CBLB: variants seen among roughly 807,000 people sequenced by gnomAD.
The protein encoded by CBLB is Cbl proto-oncogene B, also known as E3 ubiquitin-protein ligase CBL-B.
CBLB carries 31 observed loss-of-function variants against 104.9 expected under a neutral mutation model. The observed-to-expected ratio is 0.30, with a 90% CI of 0.22 to 0.40. The LOEUF is 0.40. CBLB is among the 10% of genes least tolerant of loss of function. The pLI is 1.00. For synonymous variants in CBLB, 440 were observed against 422.6 expected, an observed-to-expected ratio of 1.04 and a Z score of -0.51; for missense variants, 1,062 against 1,214.6, an observed-to-expected ratio of 0.87 and a Z score of 1.87.
chr3:105,865,229 A>G (rs898363927), intron 2 of CBLB, among the ~76,000 whole-genome samples: 1 of 152,174 alleles, frequency 6.6e-6, no homozygotes, highest in Non-Finnish European at 1.5e-5. Flanking sequence ...CTACACACTT[A>G]TATACTGCCA....
chr3:105,685,480 A>G lies in CBLB; in HGVS notation c.2055-14T>C, dbSNP rs2066895149. 1 of 1,610,042 alleles carries G rather than the reference A, an allele frequency of 6.2e-7. No individual in the cohort carries two copies. On this transcript the variant is annotated splice_polypyrimidine_tract_variant and intron_variant, in intron 13 of 18. Coordinates refer to ENST00000394030, the MANE Select transcript of CBLB (RefSeq NM_170662.5). ...GGACCAGTACACCTACCAGGGGAAAAAAAATCCAATCTAGTTTAAGCATAA... is the reference window on the plus strand; with the variant it reads ...GGACCAGTACACCTACCAGGGGAAAGAAAATCCAATCTAGTTTAAGCATAA...
At chr3:105,834,797 C>A (rs2088185469) in intron 3 of CBLB, among the ~76,000 whole-genome samples, 2 of 152,248 alleles carry the variant, frequency 1.3e-5, no homozygotes, top group South Asian at 4.1e-4. Flanking sequence ...ACAATAAGAG[C>A]ACAGATTTAT....
intron 3 of CBLB, among the ~76,000 whole-genome samples, chr3:105,827,072 G>C (rs1355339768): frequency 6.6e-6 from 1 of 152,182 alleles, no homozygotes; most frequent in Non-Finnish European, 1.5e-5. Flanking sequence ...AATTGTTCCT[G>C]TAATATAATA....
At chr3:105,798,689 G>A (rs1369792309) in intron 3 of CBLB, among the ~76,000 whole-genome samples, 2 of 152,168 alleles carry the variant, frequency 1.3e-5, no homozygotes, top group African/African-American at 2.4e-5. Context: ...GAGACTGGGG[G>A]TAGGGGAAGT....
chr3:105,666,968 C>T (rs550123467), intron 18 of CBLB, among the ~76,000 whole-genome samples: 5 of 152,068 alleles, frequency 3.3e-5, no homozygotes, highest in Non-Finnish European at 7.4e-5. Flanking sequence ...CCAACCCTTG[C>T]GTGAAGTGAA....
At position 105,868,744 on chromosome 3, in the gene CBLB, G is replaced by A. The variant is rs1305510645; in HGVS notation, c.-23C>T. The A allele has an allele frequency of 3.0e-6, 3 of 989,702 alleles. No individual in the cohort carries two copies. Among genetic ancestry groups the A allele is most frequent in the South Asian group, 4.7e-5 (1 of 21,380 alleles). The allele number at this position is 989,702 out of a possible 1,614,324, so 61.3% of individuals were successfully genotyped here. On this transcript the variant is annotated 5_prime_UTR_variant, in exon 1 of 19. Coordinates refer to ENST00000394030, the MANE Select transcript of CBLB (RefSeq NM_170662.5). ...ACCCCTTCCCTTCTTGCCTTTCGGC[G>A]CCGTAGCTGTCCAGAGACACGCGTG...
At chr3:105,748,372 T>C (rs985018243) in intron 5 of CBLB, among the ~76,000 whole-genome samples, 8 of 152,164 alleles carry the variant, frequency 5.3e-5, no homozygotes, top group African/African-American at 1.7e-4. Context: ...TCCTCTTCTT[T>C]GATTTTCCTC....
intron 9 of CBLB, among the ~76,000 whole-genome samples, chr3:105,720,818 A>G (rs2072705532): frequency 6.6e-6 from 1 of 152,224 alleles, no homozygotes; most frequent in Non-Finnish European, 1.5e-5. Flanking sequence ...TCTGTCCTGA[A>G]AGCCTGTCAT....
At chr3:105,768,689 G>T (rs1223931984) in intron 4 of CBLB, among the ~76,000 whole-genome samples, 2 of 152,192 alleles carry the variant, frequency 1.3e-5, no homozygotes, top group African/African-American at 4.8e-5. Context: ...TTGCAATCAA[G>T]CAAGAAAGAC....
intron 7 of CBLB, among the ~76,000 whole-genome samples, chr3:105,738,280 T>G (rs2075167388): frequency 6.6e-6 from 1 of 152,140 alleles, no homozygotes; most frequent in African/African-American, 2.4e-5. Context: ...TGTTAAGTGT[T>G]AGAATTTACC....
chr3:105,741,587 G>T (rs986145489), intron 6 of CBLB, among the ~76,000 whole-genome samples: 1 of 152,170 alleles, frequency 6.6e-6, no homozygotes, highest in East Asian at 1.9e-4. Flanking sequence ...TAGTAGAGAT[G>T]GGGTTCACCG....
intron 17 of CBLB, among the ~76,000 whole-genome samples, chr3:105,674,827 C>T (rs1168534659): frequency 2.0e-5 from 3 of 152,100 alleles, no homozygotes; most frequent in Admixed American, 2.0e-4. Flanking sequence ...CAGCTGTAGG[C>T]ATTACTATTC....
chr3:105,749,790 T>C (rs185202578), intron 5 of CBLB: 296 of 276,336 alleles, frequency 1.1e-3, no homozygotes, highest in Non-Finnish European at 1.4e-3. Context: ...GAGGTTCCAT[T>C]ATAAAATGAC....
chr3:105,738,714 T>C (rs1025733994), intron 7 of CBLB, among the ~76,000 whole-genome samples: 1 of 151,996 alleles, frequency 6.6e-6, no homozygotes, highest in Non-Finnish European at 1.5e-5. Flanking sequence ...GTATATTTTC[T>C]TAAAAAAAAT....
At chr3:105,819,638 A>G (rs569830957) in intron 3 of CBLB, among the ~76,000 whole-genome samples, 2 of 152,308 alleles carry the variant, frequency 1.3e-5, no homozygotes, top group East Asian at 3.9e-4. Context: ...CAAATGTGAT[A>G]TCATCAGAAC....
intron 4 of CBLB, among the ~76,000 whole-genome samples, chr3:105,752,914 G>T (rs1413638785): frequency 6.6e-6 from 1 of 152,176 alleles, no homozygotes; most frequent in Non-Finnish European, 1.5e-5. Flanking sequence ...ACAACACTTT[G>T]AGAGCCTACT....
intron 3 of CBLB, among the ~76,000 whole-genome samples, chr3:105,827,011 T>C (rs1007210768): frequency 6.6e-6 from 1 of 152,202 alleles, no homozygotes; most frequent in African/African-American, 2.4e-5. Flanking sequence ...TGGAATTTAT[T>C]AGCACAGCCA....
chr3:105,789,265 CT>C (rs1364898734), intron 3 of CBLB, among the ~76,000 whole-genome samples: 10 of 152,126 alleles, frequency 6.6e-5, no homozygotes, highest in Non-Finnish European at 1.5e-4. Context: ...GGATAGGGCT[CT>C]TTTCTCTCTG....
rs183101529 is a variant in CBLB, at chr3:105,790,226, T to C, written c.420-13684A>G. 5.0e-4 allele frequency among the ~76,000 whole-genome samples: 76 copies of C among 152,342 alleles called. No individual in the cohort carries two copies. In the East Asian group the frequency reaches 0.014, roughly 27 times the overall value. Reference sequence around the variant, plus strand: ...GATTGTATACTTTTTTAAAATGATTTCTTGCTTAATTATTTCTTAAGGAAT... The same window carrying C: ...GATTGTATACTTTTTTAAAATGATTCCTTGCTTAATTATTTCTTAAGGAAT... On this transcript the variant is annotated intron_variant, in intron 3 of 18. Transcript: ENST00000394030.
Sources: allele counts gnomAD v4.1 joint callset (sites outside exome capture counted in the v4.1 genomes callset), GRCh38; gene constraint gnomAD v4.1.1; transcripts MANE v1.5; gene names NCBI Gene and HGNC (gene_info 2026-07-23, HGNC 2026-07-21).